ANO7: variants seen among roughly 807,000 people sequenced by gnomAD.
ANO7 encodes anoctamin-7.
Under a neutral mutation model 115.8 loss-of-function variants are expected in ANO7, and 114 were observed. The observed-to-expected ratio is 0.98, with a 90% CI of 0.85 to 1.15. The LOEUF (loss-of-function observed/expected upper bound fraction) is 1.15. Among genes scored for constraint, ANO7 ranks in the 50% most tolerant of loss-of-function variants. The pLI, the probability that ANO7 is intolerant of heterozygous loss-of-function variation, is 0.00. For missense variants in ANO7, 1,302 were observed against 1,201.2 expected, an observed-to-expected ratio of 1.08 and a Z score of -1.24; for synonymous variants, 550 against 498.2, an observed-to-expected ratio of 1.10 and a Z score of -1.38.
the ANO7 span, chr2:241,234,002 C>G: frequency 6.2e-7 from 1 of 1,611,118 alleles, no homozygotes; most frequent in Non-Finnish European, 8.5e-7. Context: ...AAAGATTGAG[C>G]TGATCCACCC....
At chr2:241,208,975 TC>T (rs2068653189) in intron 11 of ANO7, among the ~76,000 whole-genome samples, 1 of 151,878 alleles carries the variant, frequency 6.6e-6, no homozygotes, top group Non-Finnish European at 1.5e-5. Flanking sequence ...CGGTGAAACC[TC>T]GTCTCTACTA....
Position 241,222,430 on chromosome 2 carries a change from C to A in ANO7, c.2322-756C>A, listed in dbSNP as rs187639859. The stretch of plus-strand genomic sequence containing the variant: ...CACTGGGCTGTGGCCTGCTTCCCCC[C>A]AAGTGTGCTCTCTGTGTTGCCGCAG... On this transcript the variant is annotated intron_variant, in intron 21 of 24. Transcript: ENST00000674324. 1.2e-4 allele frequency among the ~76,000 whole-genome samples: 18 copies of A among 152,034 alleles called. No individual in the cohort carries two copies. In the East Asian group the frequency reaches 2.9e-3, roughly 25 times the overall value.
the ANO7 span, chr2:241,238,261 G>C: frequency 0.075 from 11,817 of 156,656 alleles, 517 homozygotes; most frequent in Middle Eastern, 0.14. The surrounding 1 kb of genome is among the most constrained non-coding windows in gnomAD (Gnocchi z 4.9). Context: ...GCAGCTGCCT[G>C]CCTCACAGGG....
At chr2:241,220,307 A>G (rs770897579) in intron 21 of ANO7, among the ~76,000 whole-genome samples, 1 of 152,248 alleles carries the variant, frequency 6.6e-6, no homozygotes. Context: ...CAAATAGCGG[A>G]TATAAAAGTA....
In ANO7 at chr2:241,212,170, C is replaced by T. The variant is rs7593101; in HGVS notation, c.1638C>T (p.Tyr546=). The part of the protein sequence containing the change: ...KVFIFQFVNF[Y]SSPVYIAFFK... ...TCATCTTCCAGTTCGTCAACTTCTA[C>T]TCCTCACCCGTCTACATTGCCTTCT... Residue 546 remains tyrosine, a synonymous_variant, in exon 16 of 25, where the codon TAC becomes TAT. Coordinates refer to ENST00000674324, the MANE Select transcript of ANO7 (RefSeq NM_001370694.2). 0.21 allele frequency: 339,928 copies of T among 1,613,756 alleles called. 38,759 individuals are homozygous for T. Among genetic ancestry groups the T allele is most frequent in the Middle Eastern group, 0.28 (1,684 of 6,062 alleles).
chr2:241,214,920 C>T lies in ANO7; in HGVS notation c.1826+18C>T. 3 of 1,607,288 alleles carry T rather than the reference C, an allele frequency of 1.9e-6. No homozygotes were observed. The highest frequency in any genetic ancestry group is 2.5e-6 in the Non-Finnish European group (3 of 1,177,212). On this transcript the variant is annotated intron_variant, in intron 18 of 24. Coordinates refer to ENST00000674324, the MANE Select transcript of ANO7 (RefSeq NM_001370694.2). ...CTCATCCCGTGAGTCCCCCACTCCT[C>T]CCTGGGTGGCATCCAAGGACCGAGG...
At chr2:241,189,636 C>T (rs1464125045) in intron 1 of ANO7, among the ~76,000 whole-genome samples, 1 of 152,134 alleles carries the variant, frequency 6.6e-6, no homozygotes, top group African/African-American at 2.4e-5. Context: ...AGGCAGGCGA[C>T]TTGAGGGGTT....
intron 2 of ANO7, among the ~76,000 whole-genome samples, chr2:241,190,903 T>C (rs997466749): frequency 1.3e-5 from 2 of 152,146 alleles, no homozygotes; most frequent in Admixed American, 6.5e-5. Flanking sequence ...ACCCTTGCCA[T>C]GGGCCTGGCC....
In ANO7 at chr2:241,216,128, G is replaced by A. The variant is rs545708893; in HGVS notation, c.1862G>A (p.Arg621His). 47 of 1,612,604 alleles carry A rather than the reference G, an allele frequency of 2.9e-5. No homozygotes were observed. In the South Asian group the frequency reaches 4.0e-4, roughly 14 times the overall value. Reference protein sequence around the residue: ...LKGWWQKFRLRSKKRKAGASA... With the variant: ...LKGWWQKFRLHSKKRKAGASA... ...GGCTGGTGGCAGAAGTTCCGGCTTC[G>A]CTCCAAGAAGAGGAAGGCGGGAGCT... Residue 621 changes from arginine to histidine, a missense_variant, in exon 19 of 25, where the codon CGC becomes CAC. Coordinates refer to ENST00000674324, the MANE Select transcript of ANO7 (RefSeq NM_001370694.2).
At chr2:241,233,298 T>C in the ANO7 span, among the ~76,000 whole-genome samples, 4 of 152,134 alleles carry the variant, frequency 2.6e-5, no homozygotes, top group Non-Finnish European at 5.9e-5. The surrounding 1 kb of genome is among the most constrained non-coding windows in gnomAD (Gnocchi z 4.3). Context: ...CTGCCTTTCA[T>C]TTTGTTCTGA....
rs11674264 is a variant in ANO7, at chr2:241,199,075, A to G, written c.310-241A>G. On this transcript the variant is annotated intron_variant, in intron 4 of 24. Transcript: ENST00000674324. ...TGCAGGTGACGCCGGTCCCAACAGC[A>G]TGCTGTCTGCAGCAAATCTGTTGCT... The G allele has an allele frequency of 0.7, 354,290 of 505,374 alleles. 131,302 individuals carry two copies. Among genetic ancestry groups the G allele is most frequent in the Non-Finnish European group, 0.8 (219,674 of 274,440 alleles). 31.3% of individuals were successfully genotyped at this position (505,374 alleles called of 1,614,324 possible). A position where few individuals can be genotyped will look rare whatever the true frequency, so the allele number is the denominator to read the frequency against.
chr2:241,194,048 T>C (rs1474576829), intron 3 of ANO7, among the ~76,000 whole-genome samples: 1 of 152,164 alleles, frequency 6.6e-6, no homozygotes, highest in Non-Finnish European at 1.5e-5. Context: ...GCTAATTTTG[T>C]ATTTTTAGTA....
chr2:241,237,858 G>T, the ANO7 span, among the ~76,000 whole-genome samples: 3 of 152,228 alleles, frequency 2.0e-5, no homozygotes, highest in Non-Finnish European at 2.9e-5. Context: ...ACAGAGTGCA[G>T]TATGAGTTTA....
intron 6 of ANO7, among the ~76,000 whole-genome samples, chr2:241,200,783 CT>C (rs2068452732): frequency 6.6e-6 from 1 of 152,252 alleles, no homozygotes; most frequent in African/African-American, 2.4e-5. Context: ...GGGATGCCTC[CT>C]TTTGGGGCTG....
In ANO7 at chr2:241,223,666, T is replaced by C. The variant is rs2069081085; in HGVS notation, c.2417T>C (p.Val806Ala). 1 of 1,612,678 alleles carries C rather than the reference T, an allele frequency of 6.2e-7. No homozygotes were observed. Among genetic ancestry groups the C allele is most frequent in the East Asian group, 2.2e-5 (1 of 44,784 alleles). Residue 806 changes from valine (V) to alanine (A), a missense_variant, in exon 23 of 25, where the codon GTG becomes GCG. By Grantham distance (64) the Val-to-Ala change is moderately conservative. Coordinates refer to ENST00000674324, the MANE Select transcript of ANO7 (RefSeq NM_001370694.2). ...RLAFVIVFEH[V>A]VFSVGRLLDL... The stretch of plus-strand genomic sequence containing the variant: ...AGTGCCTTCCTCTGCTCCCAGCATG[T>C]GGTTTTCTCCGTTGGCCGCCTCCTG...
At chr2:241,235,384 A>C in the ANO7 span, 1 of 1,480,380 alleles carries the variant, frequency 6.8e-7, no homozygotes, top group South Asian at 1.2e-5. Context: ...GCCCAGTCCG[A>C]GCAGGAGGAG....
At chr2:241,193,766 A>T (rs529261204) in intron 3 of ANO7, among the ~76,000 whole-genome samples, 1 of 152,336 alleles carries the variant, frequency 6.6e-6, no homozygotes, top group African/African-American at 2.4e-5. Flanking sequence ...TGTCAAAGGG[A>T]TTAACGTATG....
the ANO7 span, chr2:241,234,114 C>A: frequency 1.3e-6 from 1 of 789,820 alleles, no homozygotes; most frequent in Non-Finnish European, 2.0e-6. Context: ...CTGGTCCGAC[C>A]TCTGCCACCT....
At chr2:241,221,605 C>T (rs575977564) in intron 21 of ANO7, among the ~76,000 whole-genome samples, 3 of 151,948 alleles carry the variant, frequency 2.0e-5, no homozygotes, top group South Asian at 2.1e-4. Context: ...TCTCAAACTC[C>T]GAACCTCAGG....
Sources: gnomAD v4.1 joint callset for allele counts (sites outside exome capture counted in the v4.1 genomes callset) on GRCh38, gnomAD v4.1.1 for gene constraint, Gnocchi (gnomAD v3.1) non-coding constraint, MANE v1.5 for transcripts, NCBI Gene and HGNC (gene_info 2026-07-23, HGNC 2026-07-21) for gene names.